The following CADM2 variants were observed in gnomAD, a reference collection of about 807,000 sequenced individuals.
CADM2 encodes the protein cell adhesion molecule 2.
CADM2 carries 12 observed loss-of-function variants against 49.8 expected under a neutral mutation model. That is an observed-to-expected ratio of 0.24 (90% CI 0.15 to 0.39). The LOEUF (loss-of-function observed/expected upper bound fraction) is 0.39. CADM2 is among the 10% of genes least tolerant of loss of function. The pLI, the probability that CADM2 is intolerant of heterozygous loss-of-function variation, is 1.00. For synonymous variants in CADM2, 214 were observed against 175.4 expected, an observed-to-expected ratio of 1.22 and a Z score of -1.74; for missense variants, 378 against 492.3, an observed-to-expected ratio of 0.77 and a Z score of 2.20.
At chr3:85,082,135 G>A (rs548052357) in intron 1 of CADM2, among the ~76,000 whole-genome samples, 5 of 152,156 alleles carry the variant, frequency 3.3e-5, no homozygotes, top group African/African-American at 4.8e-5. Context: ...GATCACAAGC[G>A]TCTCTTCTGT....
chr3:85,960,228 T>C (rs74677932), intron 7 of CADM2, among the ~76,000 whole-genome samples: 6,199 of 152,012 alleles, frequency 0.041, 421 homozygotes, highest in African/African-American at 0.14. Context: ...TTCTACAAAA[T>C]TTTGTTAGAA....
At chr3:85,350,774 T>G (rs1477776127) in intron 1 of CADM2, among the ~76,000 whole-genome samples, 1 of 151,872 alleles carries the variant, frequency 6.6e-6, no homozygotes, top group Non-Finnish European at 1.5e-5. Flanking sequence ...AAAAAAAAAG[T>G]AGAGATGGGG....
intron 1 of CADM2, among the ~76,000 whole-genome samples, chr3:85,309,846 A>T (rs889699030): frequency 2.6e-5 from 4 of 152,222 alleles, no homozygotes; most frequent in African/African-American, 9.6e-5. Context: ...ATGCTTTGAC[A>T]GAGCTATGAT....
chr3:85,120,938 T>C (rs569212421), intron 1 of CADM2, among the ~76,000 whole-genome samples: 1 of 152,326 alleles, frequency 6.6e-6, no homozygotes, highest in Non-Finnish European at 1.5e-5. Context: ...TGAAACACGC[T>C]GTGAAGTACA....
At chr3:85,513,260 GT>G (rs925661401) in intron 1 of CADM2, among the ~76,000 whole-genome samples, 15 of 152,018 alleles carry the variant, frequency 9.9e-5, no homozygotes, top group African/African-American at 3.4e-4. Flanking sequence ...CAAATTGGTA[GT>G]TAAGGAATCT....
chr3:85,185,543 A>T (rs2041041165), intron 1 of CADM2, among the ~76,000 whole-genome samples: 1 of 152,142 alleles, frequency 6.6e-6, no homozygotes, highest in African/African-American at 2.4e-5. Context: ...AAGCTTATTC[A>T]TAGTAGTAAG....
intron 1 of CADM2, among the ~76,000 whole-genome samples, chr3:85,647,334 T>C (rs1417025650): frequency 2.0e-5 from 3 of 151,756 alleles, no homozygotes; most frequent in Non-Finnish European, 4.4e-5. Context: ...TCCTTTTAGC[T>C]TAAGTTTTTA....
chr3:85,859,403 T>A (rs192876365), intron 3 of CADM2, among the ~76,000 whole-genome samples: 66 of 151,998 alleles, frequency 4.3e-4, no homozygotes, highest in African/African-American at 1.5e-3. Flanking sequence ...GCTAATTTTT[T>A]GTATTTTTAA....
At chr3:85,790,908 C>T (rs2071283140) in intron 2 of CADM2, among the ~76,000 whole-genome samples, 1 of 152,114 alleles carries the variant, frequency 6.6e-6, no homozygotes, top group African/African-American at 2.4e-5. Flanking sequence ...TCCACAGTGG[C>T]TGGGCAGAAT....
intron 1 of CADM2, among the ~76,000 whole-genome samples, chr3:85,326,138 A>G (rs763010572): frequency 3.3e-5 from 5 of 152,214 alleles, no homozygotes; most frequent in Non-Finnish European, 7.3e-5. Flanking sequence ...AGCTAAAAGA[A>G]CATGGCAAAT....
At chr3:85,897,371 G>A (rs9824980) in intron 5 of CADM2, among the ~76,000 whole-genome samples, 102,041 of 145,774 alleles carry the variant, frequency 0.7, 36,955 homozygotes, top group African/African-American at 0.91. Flanking sequence ...CCGGGTTCAC[G>A]CCATTCTCCT....
chr3:85,139,439 T>C (rs959517091), intron 1 of CADM2, among the ~76,000 whole-genome samples: 2 of 152,176 alleles, frequency 1.3e-5, no homozygotes, highest in Non-Finnish European at 2.9e-5. Flanking sequence ...TCAATACTTA[T>C]TTGTTTGTAA....
intron 1 of CADM2, among the ~76,000 whole-genome samples, chr3:85,264,712 A>G (rs1181842504): frequency 1.3e-5 from 2 of 152,274 alleles, no homozygotes; most frequent in African/African-American, 2.4e-5. Context: ...TAATAATCAT[A>G]TATAACTATG....
chr3:85,285,239 G>A (rs553285401), intron 1 of CADM2, among the ~76,000 whole-genome samples: 2 of 152,220 alleles, frequency 1.3e-5, no homozygotes, highest in African/African-American at 4.8e-5. Context: ...CTGGAGTTCA[G>A]AGGCAAATTT....
At chr3:85,057,439 G>A (rs1326330526) in intron 1 of CADM2, among the ~76,000 whole-genome samples, 1 of 151,800 alleles carries the variant, frequency 6.6e-6, no homozygotes, top group Non-Finnish European at 1.5e-5. Flanking sequence ...TTAATTAAAT[G>A]ATTATATTAG....
chr3:85,541,766 TTTTATATTTTATA>T (rs2061549991), intron 1 of CADM2, among the ~76,000 whole-genome samples: 2 of 15,222 alleles, frequency 1.3e-4, no homozygotes, highest in Middle Eastern at 0.038. Flanking sequence ...TATATATATA[TTTTATATTTTATA>T]TATATATATA....
At chr3:85,778,592 T>C (rs1008652248) in intron 2 of CADM2, among the ~76,000 whole-genome samples, 1 of 152,116 alleles carries the variant, frequency 6.6e-6, no homozygotes. Flanking sequence ...TCCACCATGA[T>C]TGTAAGTTTC....
At chr3:85,960,348 A>C (rs1177659180) in intron 7 of CADM2, among the ~76,000 whole-genome samples, 1 of 151,916 alleles carries the variant, frequency 6.6e-6, no homozygotes, top group Non-Finnish European at 1.5e-5. Context: ...CAATATTTCT[A>C]TCAAATTTAA....
chr3:85,657,767 TATATATATAC>T (rs1458379983), intron 1 of CADM2, among the ~76,000 whole-genome samples: 1,670 of 123,540 alleles, frequency 0.014, 11 homozygotes, highest in Non-Finnish European at 0.02. Context: ...CACAGATATA[TATATATATAC>T]ATATACATGT....
Sources: gnomAD v4.1 joint callset for allele counts (sites outside exome capture counted in the v4.1 genomes callset) on GRCh38, gnomAD v4.1.1 for gene constraint, MANE v1.5 for transcripts, NCBI Gene and HGNC (gene_info 2026-07-23, HGNC 2026-07-21) for gene names.